The following ZIC5 variants were observed in gnomAD, a reference collection of about 807,000 sequenced individuals.
The protein encoded by ZIC5 is zinc finger protein ZIC 5.
ZIC5 carries 20 observed loss-of-function variants against 28.5 expected under a neutral mutation model. The ratio of observed to expected loss-of-function variants is 0.70; its 90% CI spans 0.49 to 1.02. The LOEUF is 1.02. ZIC5 is among the 50% of genes least tolerant of loss of function. The probability of loss-of-function intolerance (pLI) is 0.00; values close to 1 mark genes in which losing one functional copy is unlikely to be tolerated. For synonymous variants in ZIC5, 488 were observed against 410.4 expected, an observed-to-expected ratio of 1.19 and a Z score of -2.29; for missense variants, 951 against 899.7, an observed-to-expected ratio of 1.06 and a Z score of -0.73.
chr13:99,968,640 T>C (rs1292159776), intron 1 of ZIC5, among the ~76,000 whole-genome samples: 1 of 152,052 alleles, frequency 6.6e-6, no homozygotes, highest in Non-Finnish European at 1.5e-5. Context: ...GGAGTTCCCT[T>C]TCGGGGCCGG....
In ZIC5 at chr13:99,971,516, T is replaced by C. The variant is rs375403333; in HGVS notation, c.88A>G (p.Thr30Ala). ...TAQVQPLQNM[T>A]GFPALAGPPA... ...GGGCCGGCCAGCGCCGGGAAGCCTG[T>C]CATATTCTGAAGCGGCTGGACCTGA... Residue 30 changes from threonine (T) to alanine (A), a missense_variant, in exon 1 of 2, where the codon ACA becomes GCA. This residue lies in a region of ZIC5 where 784 missense variants were observed against 660.1 expected (regional missense o/e 1.19). Transcript: ENST00000267294. 3 of 1,551,664 alleles carry C rather than the reference T, an allele frequency of 1.9e-6. No individual in the cohort carries two copies. The African/African-American group carries it at 4.1e-5, about 21-fold the overall frequency.
Position 99,970,112 on chromosome 13 carries a change from G to A in ZIC5, c.1477+15C>T, listed in dbSNP as rs2053136590. On this transcript the variant is annotated intron_variant, in intron 1 of 1. Transcript: ENST00000267294. The stretch of plus-strand genomic sequence containing the variant: ...GGTGGCGGCGGCGGCGGCGCGGCCG[G>A]GGACAGACACCCACCTGTATGAGTA... The A allele has an allele frequency of 6.2e-7, 1 of 1,606,428 alleles. No individual in the cohort carries two copies. Among genetic ancestry groups the A allele is most frequent in the South Asian group, 1.1e-5 (1 of 90,766 alleles).
Position 99,971,303 on chromosome 13 carries a change from C to T in ZIC5, c.301G>A (p.Ala101Thr), listed in dbSNP as rs1433070501. 1 of 1,369,124 alleles carries T rather than the reference C, an allele frequency of 7.3e-7. No individual in the cohort carries two copies. Among genetic ancestry groups the T allele is most frequent in the Non-Finnish European group, 9.3e-7 (1 of 1,071,758 alleles). 84.8% of individuals were successfully genotyped at this position (1,369,124 alleles called of 1,614,324 possible). Residue 101 changes from alanine (A) to threonine (T), a missense_variant, in exon 1 of 2, where the codon GCA (alanine) becomes ACA (threonine). This residue lies in a region of ZIC5 where 784 missense variants were observed against 660.1 expected (regional missense o/e 1.19). Coordinates refer to ENST00000267294, the MANE Select transcript of ZIC5 (RefSeq NM_033132.5). The stretch of plus-strand genomic sequence containing the variant: ...GCGCCGGGGTGCGCGACCAAGGCTG[C>T]AGCACGGGCGGCGGCTGCCGGAGCC... ...PEAPAAAARAAALVAHPGAGS... is the reference protein window; with the variant it reads ...PEAPAAAARATALVAHPGAGS...
chr13:99,971,249 T>C lies in ZIC5; in HGVS notation c.355A>G (p.Ser119Gly). Residue 119 changes from serine (S) to glycine (G), a missense_variant, in exon 1 of 2, where the codon AGT becomes GGT. Ser to Gly is a moderately conservative substitution (Grantham distance 56). Around this residue, in one of 3 missense-constraint regions of ZIC5, gnomAD observed 784 missense variants for 660.1 expected, o/e 1.19. Transcript: ENST00000267294. The part of the protein sequence containing the change: ...AGSYPCGGGS[S>G]GAQPSAPPPP... ...GGGGGCGCGGAGGGCTGCGCGCCAC[T>C]GCTGCCCCCGCCGCAGGGGTAGCTG... 6 of 1,320,134 alleles carry C rather than the reference T, an allele frequency of 4.5e-6. No individual in the cohort carries two copies. Among genetic ancestry groups the C allele is most frequent in the Non-Finnish European group, 5.7e-6 (6 of 1,043,492 alleles). 81.8% of individuals were successfully genotyped at this position (1,320,134 alleles called of 1,614,324 possible).
Position 99,965,183 on chromosome 13 carries a change from A to AG in ZIC5, c.*193_*194insC, listed in dbSNP as rs2053089485. Reference sequence around the variant, plus strand: ...TTTGTTTTTTAAGAAAAAAAAAAAAAAAAGCCCAAATATCTTAATTAAATT... The same window carrying AG: ...TTTGTTTTTTAAGAAAAAAAAAAAAAGAAAGCCCAAATATCTTAATTAAATT... On this transcript the variant is annotated 3_prime_UTR_variant, in exon 2 of 2. Transcript: ENST00000267294. 1 of 403,444 alleles carries AG rather than the reference A, an allele frequency of 2.5e-6. No individual in the cohort carries two copies. The highest frequency in any genetic ancestry group is 4.0e-6 in the Non-Finnish European group (1 of 247,550). 25.0% of individuals were successfully genotyped at this position (403,444 alleles called of 1,614,324 possible). A position where few individuals can be genotyped will look rare whatever the true frequency, so the allele number is the denominator to read the frequency against.
At chr13:99,968,070 G>C (rs919667458) in intron 1 of ZIC5, among the ~76,000 whole-genome samples, 1 of 152,232 alleles carries the variant, frequency 6.6e-6, no homozygotes, top group Non-Finnish European at 1.5e-5. Flanking sequence ...GGGACTGGGG[G>C]CACGTGGGTC....
intron 1 of ZIC5, among the ~76,000 whole-genome samples, chr13:99,969,424 C>T (rs1256892505): frequency 1.3e-5 from 2 of 151,912 alleles, no homozygotes; most frequent in Non-Finnish European, 1.5e-5. Context: ...ACACAGGTGT[C>T]GCGGGAATGG....
chr13:99,970,488 G>T lies in ZIC5; in HGVS notation c.1116C>A (p.Leu372=), dbSNP rs777546708. 2 of 1,125,884 alleles carry T rather than the reference G, an allele frequency of 1.8e-6. No individual in the cohort carries two copies. The highest frequency in any genetic ancestry group is 1.7e-5 in the African/African-American group (1 of 59,686). 69.7% of individuals were successfully genotyped at this position (1,125,884 alleles called of 1,614,324 possible). A position where few individuals can be genotyped will look rare whatever the true frequency, so the allele number is the denominator to read the frequency against. Residue 372 remains leucine (L), a synonymous_variant, in exon 1 of 2, where the codon CTC becomes CTA. Coordinates refer to ENST00000267294, the MANE Select transcript of ZIC5 (RefSeq NM_033132.5). ...CGTCGGGGTCGATCCACTTGCAGAT[G>T]AGCTCCTGCTTGATTGGCTGCCGCA... ...RYMRQPIKQE[L]ICKWIDPDEL...
chr13:99,964,498 A>G lies in ZIC5; in HGVS notation c.*879T>C, dbSNP rs2053081555. The G allele has an allele frequency of 1.3e-5, 2 of 152,352 alleles. 1 individual carries two copies. The highest frequency in any genetic ancestry group is 4.1e-4 in the South Asian group (2 of 4,828). 9.4% of individuals were successfully genotyped at this position (152,352 alleles called of 1,614,324 possible). On this transcript the variant is annotated 3_prime_UTR_variant, in exon 2 of 2. Coordinates refer to ENST00000267294, the MANE Select transcript of ZIC5 (RefSeq NM_033132.5). ...ATCTGAGAATTCAGATAAAAAAAAA[A>G]AAACATATAGGAAAAAGAAAGCACT...
chr13:99,971,274 G>A lies in ZIC5; in HGVS notation c.330C>T (p.Gly110=). ...AAALVAHPGA[G]SYPCGGGSSG... Reference sequence around the variant, plus strand: ...TGCTGCCCCCGCCGCAGGGGTAGCTGCCCGCGCCGGGGTGCGCGACCAAGG... The same window carrying A: ...TGCTGCCCCCGCCGCAGGGGTAGCTACCCGCGCCGGGGTGCGCGACCAAGG... Residue 110 remains glycine (G), a synonymous_variant, in exon 1 of 2, where the codon GGC becomes GGT. Transcript: ENST00000267294. The A allele has an allele frequency of 1.5e-6, 2 of 1,341,672 alleles. No individual in the cohort carries two copies. The highest frequency in any genetic ancestry group is 1.9e-6 in the Non-Finnish European group (2 of 1,055,712). 83.1% of individuals were successfully genotyped at this position (1,341,672 alleles called of 1,614,324 possible). A position where few individuals can be genotyped will look rare whatever the true frequency, so the allele number is the denominator to read the frequency against.
At position 99,970,726 on chromosome 13, in the gene ZIC5, G is replaced by T. The variant is rs1365434223; in HGVS notation, c.878C>A (p.Ala293Glu). 2 of 1,196,064 alleles carry T rather than the reference G, an allele frequency of 1.7e-6. No homozygotes were observed. Among genetic ancestry groups the T allele is most frequent in the South Asian group, 4.6e-5 (2 of 43,104 alleles). The allele number at this position is 1,196,064 out of a possible 1,614,324, so 74.1% of individuals were successfully genotyped here. A position where few individuals can be genotyped will look rare whatever the true frequency, so the allele number is the denominator to read the frequency against. ...GTGCAGGGCGGCCGCCGCTGCGGCCGCAACCGCCCCGTAGTGCGCGTCCCC... is the reference window on the plus strand; with the variant it reads ...GTGCAGGGCGGCCGCCGCTGCGGCCTCAACCGCCCCGTAGTGCGCGTCCCC... The part of the protein sequence containing the change: ...RSGDAHYGAV[A>E]AAAAAALHGY... Residue 293 changes from alanine to glutamate, a missense_variant, in exon 1 of 2, where the codon GCG becomes GAG. By Grantham distance (107) the Ala-to-Glu change is moderately radical (BLOSUM62 -1). Around this residue, in one of 3 missense-constraint regions of ZIC5, gnomAD observed 784 missense variants for 660.1 expected, o/e 1.19. Transcript: ENST00000267294.
rs2053151565 is a variant in ZIC5 at position 99,970,981 on chromosome 13, G to T, written c.623C>A (p.Ala208Asp). The change falls in exon 1 of 2, where the codon GCC (alanine) becomes GAC (aspartate). Residue 208 changes from alanine to aspartate, a missense_variant. Coordinates refer to ENST00000267294, the MANE Select transcript of ZIC5 (RefSeq NM_033132.5). ...RSGTGSPQHP[A>D]PPPHSAGMFI... is the part of the protein sequence containing the mutation. ...CATGCCGGCCGAGTGGGGAGGCGGGGCCGGGTGCTGGGGGGAGCCGGTGCC... is the reference window on the plus strand; with the variant it reads ...CATGCCGGCCGAGTGGGGAGGCGGGTCCGGGTGCTGGGGGGAGCCGGTGCC... 3.6e-6 allele frequency: 5 copies of T among 1,401,462 alleles called. No individual in the cohort carries two copies. Among genetic ancestry groups the T allele is most frequent in the Middle Eastern group, 5.0e-4 (2 of 3,974 alleles). The allele number at this position is 1,401,462 out of a possible 1,614,324, so 86.8% of individuals were successfully genotyped here.
chr13:99,969,528 G>A (rs2053129696), intron 1 of ZIC5, among the ~76,000 whole-genome samples: 1 of 151,928 alleles, frequency 6.6e-6, no homozygotes, highest in African/African-American at 2.4e-5. Flanking sequence ...GGGCGAGTGC[G>A]AGTGGTCTCC....
In ZIC5 at chr13:99,971,172, CGGGGGA is replaced by C. The variant is rs767465990; in HGVS notation, c.426_431del (p.Pro148_Pro149del). The C allele has an allele frequency of 2.6e-5, 8 of 309,936 alleles. No individual in the cohort carries two copies. The highest frequency in any genetic ancestry group is 2.4e-5 in the Non-Finnish European group (6 of 253,488). The allele number at this position is 309,936 out of a possible 1,614,324, so 19.2% of individuals were successfully genotyped here. ...CCGAGAGGGCAGGAGGAGGAGGAGG[CGGGGGA>C]GGGGGAGGGGGTGAAGGGGTGGGAG... is the stretch of plus-strand genomic sequence containing the variant. On this transcript the variant is annotated inframe_deletion, in exon 1 of 2. Coordinates refer to ENST00000267294, the MANE Select transcript of ZIC5 (RefSeq NM_033132.5).
chr13:99,969,817 T>TGGCGGC (rs1031464787), intron 1 of ZIC5, among the ~76,000 whole-genome samples: 2 of 151,284 alleles, frequency 1.3e-5, no homozygotes, highest in South Asian at 2.1e-4. Flanking sequence ...TGCTCCGAGG[T>TGGCGGC]GGCGGCGGCG....
rs894308006 is a variant in ZIC5, at chr13:99,963,262, C to G, written c.*2115G>C. On this transcript the variant is annotated 3_prime_UTR_variant, in exon 2 of 2. Coordinates refer to ENST00000267294, the MANE Select transcript of ZIC5 (RefSeq NM_033132.5). ...CATTGAAAAAGTTGTATAAATAAAA[C>G]AACTCATTATACATCAGGAATATTT... 6.6e-6 allele frequency: 1 copy of G among 152,434 alleles called. No homozygotes were observed. Among genetic ancestry groups the G allele is most frequent in the Non-Finnish European group, 1.5e-5 (1 of 67,972 alleles). The allele number at this position is 152,434 out of a possible 1,614,324, so 9.4% of individuals were successfully genotyped here.
chr13:99,968,904 G>A (rs1177132934), intron 1 of ZIC5, among the ~76,000 whole-genome samples: 1 of 152,152 alleles, frequency 6.6e-6, no homozygotes, highest in Admixed American at 6.5e-5. Context: ...CCCCGACGCT[G>A]CTGCCCCCGC....
rs1390918836 is a variant in ZIC5 at position 99,971,159 on chromosome 13, G to A, written c.445C>T (p.Pro149Ser). 4 of 1,355,136 alleles carry A rather than the reference G, an allele frequency of 3.0e-6. No homozygotes were observed. Among genetic ancestry groups the A allele is most frequent in the South Asian group, 1.8e-5 (1 of 54,180 alleles). 83.9% of individuals were successfully genotyped at this position (1,355,136 alleles called of 1,614,324 possible). ...PPPPPPPPPP[P>S]ALSGYTTTNS... Reference sequence around the variant, plus strand: ...GTGGTGGTGTAGCCCGAGAGGGCAGGAGGAGGAGGAGGCGGGGGAGGGGGA... The same window carrying A: ...GTGGTGGTGTAGCCCGAGAGGGCAGAAGGAGGAGGAGGCGGGGGAGGGGGA... The change falls in exon 1 of 2, where the codon CCT becomes TCT. Residue 149 changes from proline (P) to serine (S), a missense_variant. Pro to Ser is a moderately conservative substitution (Grantham distance 74). Coordinates refer to ENST00000267294, the MANE Select transcript of ZIC5 (RefSeq NM_033132.5).
chr13:99,967,973 G>A (rs1013466322), intron 1 of ZIC5, among the ~76,000 whole-genome samples: 1 of 152,254 alleles, frequency 6.6e-6, no homozygotes, highest in Admixed American at 6.5e-5. Flanking sequence ...CTGTGGGAAA[G>A]TAAGGAACTA....
Sources: gnomAD v4.1 joint callset for allele counts (sites outside exome capture counted in the v4.1 genomes callset) on GRCh38, gnomAD v4.1.1 for gene constraint, gnomAD v4.1.1 regional missense constraint, MANE v1.5 for transcripts, NCBI Gene and HGNC (gene_info 2026-07-23, HGNC 2026-07-21) for gene names.